The following PAPPA2 variants were observed in gnomAD, a reference collection of about 807,000 sequenced individuals.
The protein encoded by PAPPA2 is pappalysin 2.
Under a neutral mutation model 176.4 loss-of-function variants are expected in PAPPA2, and 86 were observed. The observed-to-expected ratio is 0.49, with a 90% CI of 0.41 to 0.58. PAPPA2 has a LOEUF of 0.58. PAPPA2 is among the 20% of genes least tolerant of loss of function. The pLI is 0.00. For missense variants in PAPPA2, 2,073 were observed against 2,256.9 expected (o/e 0.92, Z 1.65); for synonymous variants, 809 against 852.2 (o/e 0.95, Z 0.88).
At chr1:176,582,384 G>A (rs1653039986) in intron 2 of PAPPA2, among the ~76,000 whole-genome samples, 1 of 152,112 alleles carries the variant, frequency 6.6e-6, no homozygotes, top group African/African-American at 2.4e-5. Flanking sequence ...GGGCATCCTT[G>A]TCTTTTTCCA....
intron 14 of PAPPA2, among the ~76,000 whole-genome samples, chr1:176,753,232 G>C (rs558322449): frequency 6.6e-6 from 1 of 152,150 alleles, no homozygotes; most frequent in African/African-American, 2.4e-5. Context: ...AGAGGAAGCC[G>C]GGGCACAGCT....
At position 176,584,222 on chromosome 1, in the gene PAPPA2, A is replaced by G. The variant is rs544785738; in HGVS notation, c.920-10302A>G. Among the ~76,000 whole-genome samples the G allele has an allele frequency of 1.8e-4, 27 of 152,242 alleles. No homozygotes were observed. In the South Asian group the frequency reaches 5.2e-3, roughly 29 times the overall value. On this transcript the variant is annotated intron_variant, in intron 2 of 22. Coordinates refer to ENST00000367662, the MANE Select transcript of PAPPA2 (RefSeq NM_020318.3). ...AAATTTTATGGGCTTTTTAGTTGAT[A>G]TTACATCTAGTTGATCTGTCCAATA...
At chr1:176,836,449 C>T (rs892588230) in intron 21 of PAPPA2, among the ~76,000 whole-genome samples, 1 of 152,194 alleles carries the variant, frequency 6.6e-6, no homozygotes, top group Non-Finnish European at 1.5e-5. Flanking sequence ...CCAAACTAAC[C>T]TTTCTAAAAC....
chr1:176,739,743 G>A lies in PAPPA2; in HGVS notation c.3916G>A (p.Gly1306Arg), dbSNP rs1662585830. Residue 1306 changes from glycine (G) to arginine (R), a missense_variant, in exon 13 of 23, where the codon GGA (glycine) becomes AGA (arginine). Transcript: ENST00000367662. ...GACTCTCTACCTGACCGATGTCCGT[G>A]GAAGCAACCACTCTCTTGGTGAGTC... is the stretch of plus-strand genomic sequence containing the variant. ...TVTLYLTDVR[G>R]SNHSLGTYGL... The A allele has an allele frequency of 1.2e-6, 2 of 1,613,478 alleles. No homozygotes were observed. Among genetic ancestry groups the A allele is most frequent in the South Asian group, 2.2e-5 (2 of 91,070 alleles).
chr1:176,779,146 T>C (rs930092176), intron 17 of PAPPA2, among the ~76,000 whole-genome samples: 2 of 152,202 alleles, frequency 1.3e-5, no homozygotes, highest in South Asian at 4.1e-4. Flanking sequence ...ACTGCTAATA[T>C]CTATTAATCA....
At chr1:176,833,921 G>A (rs1667173867) in intron 21 of PAPPA2, among the ~76,000 whole-genome samples, 1 of 152,032 alleles carries the variant, frequency 6.6e-6, no homozygotes, top group African/African-American at 2.4e-5. Flanking sequence ...GTAAGAAATA[G>A]AGTAGATGCC....
At chr1:176,570,131 G>A (rs531743242) in intron 2 of PAPPA2, among the ~76,000 whole-genome samples, 11 of 152,016 alleles carry the variant, frequency 7.2e-5, no homozygotes, top group East Asian at 1.9e-4. Context: ...CATTATTCCC[G>A]TGGGCGGGAG....
At chr1:176,607,116 A>T (rs1654659980) in intron 3 of PAPPA2, among the ~76,000 whole-genome samples, 1 of 151,552 alleles carries the variant, frequency 6.6e-6, no homozygotes, top group Non-Finnish European at 1.5e-5. Context: ...GATTGGGTGC[A>T]TGTGATATTT....
At chr1:176,626,943 A>G (rs1656059496) in intron 3 of PAPPA2, among the ~76,000 whole-genome samples, 1 of 136,624 alleles carries the variant, frequency 7.3e-6, no homozygotes. Flanking sequence ...GGCTGGTTTC[A>G]CACTCCTGAG....
chr1:176,826,113 T>C (rs1186955582), intron 21 of PAPPA2, among the ~76,000 whole-genome samples: 1 of 152,202 alleles, frequency 6.6e-6, no homozygotes, highest in African/African-American at 2.4e-5. Context: ...TGGGACCAGT[T>C]AATGAACCTC....
chr1:176,604,054 T>C (rs1387105201), intron 3 of PAPPA2, among the ~76,000 whole-genome samples: 1 of 152,204 alleles, frequency 6.6e-6, no homozygotes, highest in African/African-American at 2.4e-5. Context: ...TTGCCAGATG[T>C]ACTCCTACTG....
intron 12 of PAPPA2, among the ~76,000 whole-genome samples, chr1:176,725,447 T>C (rs1468964106): frequency 1.3e-5 from 2 of 152,216 alleles, no homozygotes; most frequent in Non-Finnish European, 2.9e-5. Flanking sequence ...GAACAATATA[T>C]TGTGATATGG....
chr1:176,593,150 G>A (rs756615931), intron 2 of PAPPA2, among the ~76,000 whole-genome samples: 1 of 152,180 alleles, frequency 6.6e-6, no homozygotes, highest in Non-Finnish European at 1.5e-5. Flanking sequence ...TATAAACCAT[G>A]AGTTATTAAT....
intron 4 of PAPPA2, among the ~76,000 whole-genome samples, chr1:176,673,027 C>G (rs1430052731): frequency 6.6e-6 from 1 of 152,060 alleles, no homozygotes; most frequent in Non-Finnish European, 1.5e-5. Flanking sequence ...TCTACAATTA[C>G]TACGAGTGAA....
At chr1:176,623,613 T>TTTA (rs1558479012) in intron 3 of PAPPA2, among the ~76,000 whole-genome samples, 2 of 136,976 alleles carry the variant, frequency 1.5e-5, no homozygotes, top group African/African-American at 5.7e-5. Context: ...CTTCCTTCCT[T>TTTA]CCTTCCTTCC....
intron 12 of PAPPA2, among the ~76,000 whole-genome samples, chr1:176,733,234 G>C (rs1343329334): frequency 6.6e-6 from 1 of 152,082 alleles, no homozygotes; most frequent in East Asian, 1.9e-4. Context: ...AATTGTCTAA[G>C]GTGCATTTAA....
intron 21 of PAPPA2, among the ~76,000 whole-genome samples, chr1:176,813,899 A>AG (rs1666274929): frequency 6.6e-6 from 1 of 152,148 alleles, no homozygotes; most frequent in South Asian, 2.1e-4. Context: ...ATTTTCTTCT[A>AG]GGGTTTTATA....
chr1:176,755,696 A>G (rs1357853888), intron 14 of PAPPA2, among the ~76,000 whole-genome samples: 1 of 152,124 alleles, frequency 6.6e-6, no homozygotes, highest in Non-Finnish European at 1.5e-5. Context: ...TTGGGAGGAG[A>G]AAAGCATTTA....
At chr1:176,503,416 T>C (rs1648075289) in intron 1 of PAPPA2, among the ~76,000 whole-genome samples, 1 of 152,194 alleles carries the variant, frequency 6.6e-6, no homozygotes, top group Non-Finnish European at 1.5e-5. Context: ...TGTAACATAA[T>C]TTCTTTCCAT....
Sources: allele counts gnomAD v4.1 joint callset (sites outside exome capture counted in the v4.1 genomes callset), GRCh38; gene constraint gnomAD v4.1.1; transcripts MANE v1.5; gene names NCBI Gene and HGNC (gene_info 2026-07-23, HGNC 2026-07-21).